RARG: variants seen among roughly 807,000 people sequenced by gnomAD.
RARG encodes the protein RAR-gamma.
RARG carries 17 observed loss-of-function variants against 43.7 expected under a neutral mutation model. That is an observed-to-expected ratio of 0.39 (90% CI 0.27 to 0.58). RARG has a LOEUF of 0.58. Ranked by LOEUF, RARG falls within the 20% of genes least tolerant of loss-of-function variation. The pLI, the probability that RARG is intolerant of heterozygous loss-of-function variation, is 0.57. For missense variants in RARG, 346 were observed against 598.7 expected (o/e 0.58, Z 4.40); for synonymous variants, 238 against 236.4 (o/e 1.01, Z -0.06).
In RARG at chr12:53,213,064, G is replaced by A. The variant is rs113825016; in HGVS notation, c.1177+21C>T. The A allele has an allele frequency of 2.2e-3, 3,554 of 1,598,162 alleles. 72 individuals are homozygous for A. The African/African-American group carries it at 0.042, about 19-fold the overall frequency. On this transcript the variant is annotated intron_variant, in intron 9 of 9. Coordinates refer to ENST00000425354, the MANE Select transcript of RARG (RefSeq NM_000966.6). The surrounding 1 kb of genome is among the most constrained non-coding windows in gnomAD (Gnocchi z 4.7). ...CAACAGCCCTGGGAAGACAGAGAGGGGACACCCACTCATGACTCACCCTTA... is the reference window on the plus strand; with the variant it reads ...CAACAGCCCTGGGAAGACAGAGAGGAGACACCCACTCATGACTCACCCTTA...
At position 53,215,721 on chromosome 12, in the gene RARG, G is replaced by A. The variant is rs749864230; in HGVS notation, c.258C>T (p.Val86=). 9 of 1,613,674 alleles carry A rather than the reference G, an allele frequency of 5.6e-6. No homozygotes were observed. The highest frequency in any genetic ancestry group is 7.6e-6 in the Non-Finnish European group (9 of 1,179,948). The change falls in exon 4 of 10, where the codon GTC becomes GTT. Residue 86 remains valine, a synonymous_variant. Transcript: ENST00000425354. This position sits in a 1 kb window ranked among gnomAD's most constrained non-coding sequence, Gnocchi z 6.4. ...SSPSPPPPPR[V]YKPCFVCNDK... ...CATTGCACACGAAGCATGGCTTGTA[G>A]ACCCGAGGAGGCGGAGGGGGCGAGG...
Position 53,213,347 on chromosome 12 carries a change from G to A in RARG, c.1019-104C>T. The A allele has an allele frequency of 2.0e-6, 3 of 1,484,582 alleles. No homozygotes were observed. Among genetic ancestry groups the A allele is most frequent in the East Asian group, 2.3e-5 (1 of 43,898 alleles). The allele number at this position is 1,484,582 out of a possible 1,614,324, so 92.0% of individuals were successfully genotyped here. A position where few individuals can be genotyped will look rare whatever the true frequency, so the allele number is the denominator to read the frequency against. The stretch of plus-strand genomic sequence containing the variant: ...CGGCGTTTTGGGAAGCCTGTACAGG[G>A]TTTCAGAACTCTCTGGATGGGGCCA... On this transcript the variant is annotated intron_variant, in intron 8 of 9. Coordinates refer to ENST00000425354, the MANE Select transcript of RARG (RefSeq NM_000966.6). The surrounding 1 kb of genome is among the most constrained non-coding windows in gnomAD (Gnocchi z 4.7).
intron 3 of RARG, chr12:53,220,010 C>T (rs747180478): frequency 3.3e-6 from 5 of 1,526,420 alleles, no homozygotes; most frequent in Non-Finnish European, 4.4e-6. Flanking sequence ...CAGGAGCCGC[C>T]GGTGGCTCTG....
intron 3 of RARG, among the ~76,000 whole-genome samples, chr12:53,224,400 A>T (rs551447481): frequency 6.6e-6 from 1 of 152,280 alleles, no homozygotes; most frequent in African/African-American, 2.4e-5. Flanking sequence ...TCTATGTGTG[A>T]GAGAGAATGT....
At position 53,215,962 on chromosome 12, in the gene RARG, T is replaced by C. The variant is rs115344029; in HGVS notation, c.185-168A>G. ...GTAAGCACTGTCAGAATCCTCTTAA[T>C]GACCACTATTACCACAGCTTGTTGT... On this transcript the variant is annotated intron_variant, in intron 3 of 9. Coordinates refer to ENST00000425354, the MANE Select transcript of RARG (RefSeq NM_000966.6). This position sits in a 1 kb window ranked among gnomAD's most constrained non-coding sequence, Gnocchi z 6.4. Among the ~76,000 whole-genome samples the C allele has an allele frequency of 1.6e-3, 249 of 152,334 alleles. 1 individual carries two copies. Among genetic ancestry groups the C allele is most frequent in the African/African-American group, 5.8e-3 (242 of 41,570 alleles).
At chr12:53,214,808 C>A in intron 5 of RARG, 1 of 564,050 alleles carries the variant, frequency 1.8e-6, no homozygotes, top group South Asian at 2.9e-5. Flanking sequence ...GGGCCTGCAG[C>A]CCCTGCTCCT....
In RARG at chr12:53,218,197, A is replaced by G. The variant is rs748075675; in HGVS notation, c.185-2403T>C. On this transcript the variant is annotated intron_variant, in intron 3 of 9. Transcript: ENST00000425354. ...AGGACACCAAAGCCTCCAAACAGGC[A>G]CACACACACACACATCCAGCCCACC... 1.2e-4 allele frequency among the ~76,000 whole-genome samples: 18 copies of G among 151,888 alleles called. No individual in the cohort carries two copies. The South Asian group carries it at 3.8e-3, about 32-fold the overall frequency.
chr12:53,220,903 C>T (rs2120686006), intron 3 of RARG, among the ~76,000 whole-genome samples: 1 of 152,272 alleles, frequency 6.6e-6, no homozygotes, highest in Middle Eastern at 3.4e-3. Flanking sequence ...TACCTCCACC[C>T]CTCTCATTCC....
intron 9 of RARG, among the ~76,000 whole-genome samples, chr12:53,212,731 TATATATACACAC>T (rs991223773): frequency 8.0e-5 from 10 of 125,512 alleles, no homozygotes; most frequent in East Asian, 5.2e-4. Context: ...TCTCTAAATA[TATATATACACAC>T]ACACACACAC....
chr12:53,215,604 G>A lies in RARG; in HGVS notation c.333+42C>T, dbSNP rs562261012. On this transcript the variant is annotated intron_variant, in intron 4 of 9. Coordinates refer to ENST00000425354, the MANE Select transcript of RARG (RefSeq NM_000966.6). The surrounding 1 kb of genome is among the most constrained non-coding windows in gnomAD (Gnocchi z 6.4). ...GTGCCTGGTCTCTCATCTTACTAGGGTAACTGGATCCCCCGTCTGCCCACT... is the reference window on the plus strand; with the variant it reads ...GTGCCTGGTCTCTCATCTTACTAGGATAACTGGATCCCCCGTCTGCCCACT... The A allele has an allele frequency of 1.9e-6, 3 of 1,596,416 alleles. No homozygotes were observed. The highest frequency in any genetic ancestry group is 2.3e-5 in the South Asian group (2 of 88,398).
chr12:53,214,432 T>C lies in RARG; in HGVS notation c.636+14A>G, dbSNP rs1942699435. The C allele has an allele frequency of 6.2e-7, 1 of 1,606,702 alleles. No individual in the cohort carries two copies. Among genetic ancestry groups the C allele is most frequent in the African/African-American group, 1.3e-5 (1 of 74,776 alleles). On this transcript the variant is annotated intron_variant, in intron 6 of 9. Coordinates refer to ENST00000425354, the MANE Select transcript of RARG (RefSeq NM_000966.6). Reference sequence around the variant, plus strand: ...AGAGTGCCCTGCCCTCACTGGGCTCTGCCCATTCCTCACCGTGGTATACTT... The same window carrying C: ...AGAGTGCCCTGCCCTCACTGGGCTCCGCCCATTCCTCACCGTGGTATACTT...
In RARG at chr12:53,213,477, C is replaced by A; in HGVS notation, c.1018+19G>T. The A allele has an allele frequency of 6.2e-7, 1 of 1,611,676 alleles. No individual in the cohort carries two copies. Among genetic ancestry groups the A allele is most frequent in the Non-Finnish European group, 8.5e-7 (1 of 1,179,446 alleles). ...AAGGAGACTGAGCACTGAGCAGACG[C>A]CAGGGGGCGCCCCCGCACCTCCGCA... On this transcript the variant is annotated intron_variant, in intron 8 of 9. Transcript: ENST00000425354. This position sits in a 1 kb window ranked among gnomAD's most constrained non-coding sequence, Gnocchi z 4.7.
Position 53,227,552 on chromosome 12 carries a change from T to G in RARG, c.-7A>C. On this transcript the variant is annotated 5_prime_UTR_variant, in exon 3 of 10. Coordinates refer to ENST00000425354, the MANE Select transcript of RARG (RefSeq NM_000966.6). This position sits in a 1 kb window ranked among gnomAD's most constrained non-coding sequence, Gnocchi z 4.3. ...GCTCCTTATTGGTGGCCATGGCAGC[T>G]GCGGTGTGAGAGTCCCCTGGGGTCT... is the stretch of plus-strand genomic sequence containing the variant. 6.4e-7 allele frequency: 1 copy of G among 1,562,538 alleles called. No homozygotes were observed. The highest frequency in any genetic ancestry group is 8.7e-7 in the Non-Finnish European group (1 of 1,154,258).
chr12:53,226,135 TTCTC>T (rs1555182181), intron 3 of RARG, among the ~76,000 whole-genome samples: 5 of 152,020 alleles, frequency 3.3e-5, no homozygotes, highest in African/African-American at 9.7e-5. Context: ...TCACCTTTTT[TTCTC>T]TCTCTCTCAG....
At position 53,227,335 on chromosome 12, in the gene RARG, T is replaced by C. The variant is rs1392287134; in HGVS notation, c.184+27A>G. 1 of 1,500,612 alleles carries C rather than the reference T, an allele frequency of 6.7e-7. No homozygotes were observed. Among genetic ancestry groups the C allele is most frequent in the Non-Finnish European group, 8.9e-7 (1 of 1,122,510 alleles). 93.0% of individuals were successfully genotyped at this position (1,500,612 alleles called of 1,614,324 possible). A position where few individuals can be genotyped will look rare whatever the true frequency, so the allele number is the denominator to read the frequency against. ...GATGCCTTCTTGTTAACATTTGCCT[T>C]CATTCCCCAAGATCCCTGAGACTCA... On this transcript the variant is annotated intron_variant, in intron 3 of 9. Transcript: ENST00000425354. This position sits in a 1 kb window ranked among gnomAD's most constrained non-coding sequence, Gnocchi z 4.3.
intron 2 of RARG, chr12:53,230,098 G>C (rs1186545865): frequency 3.6e-6 from 2 of 557,386 alleles, no homozygotes; most frequent in Admixed American, 6.4e-5. Context: ...TAGGAGAATG[G>C]ACTAAGGAAT....
rs1439736172 is a variant in RARG at position 53,215,454 on chromosome 12, A to G, written c.334-20T>C. ...GAAGCCCTGGAGTTGAGGGAAAGAGAGAGGGCCTCTGAAGCACAATGCTGG... is the reference window on the plus strand; with the variant it reads ...GAAGCCCTGGAGTTGAGGGAAAGAGGGAGGGCCTCTGAAGCACAATGCTGG... On this transcript the variant is annotated intron_variant, in intron 4 of 9. Transcript: ENST00000425354. The surrounding 1 kb of genome is among the most constrained non-coding windows in gnomAD (Gnocchi z 6.4). 6.2e-7 allele frequency: 1 copy of G among 1,613,784 alleles called. No homozygotes were observed. Among genetic ancestry groups the G allele is most frequent in the Non-Finnish European group, 8.5e-7 (1 of 1,179,834 alleles).
intron 2 of RARG, among the ~76,000 whole-genome samples, chr12:53,230,507 C>T (rs548296098): frequency 6.6e-6 from 1 of 152,270 alleles, no homozygotes; most frequent in African/African-American, 2.4e-5. Context: ...CTGCTCTAGC[C>T]TGGGCCCCCA....
At chr12:53,222,233 G>GAGAAAGAAAA (rs1555181727) in intron 3 of RARG, among the ~76,000 whole-genome samples, 115 of 149,800 alleles carry the variant, frequency 7.7e-4, no homozygotes, top group Non-Finnish European at 3.7e-4. Flanking sequence ...AAGAAAGAGA[G>GAGAAAGAAAA]AGAAAGAAAA....
Sources: allele counts gnomAD v4.1 joint callset (sites outside exome capture counted in the v4.1 genomes callset), GRCh38; gene constraint gnomAD v4.1.1; non-coding constraint Gnocchi (gnomAD v3.1); transcripts MANE v1.5; gene names NCBI Gene and HGNC (gene_info 2026-07-23, HGNC 2026-07-21).